The following DACH2 variants were observed in gnomAD, a reference collection of about 807,000 sequenced individuals.
DACH2 encodes the protein dachshund homolog 2.
A neutral mutation model predicts 35.8 loss-of-function variants in DACH2; 17 were observed. That is an observed-to-expected ratio of 0.48 (90% CI 0.33 to 0.71). DACH2 has a LOEUF of 0.71. Among genes scored for constraint, DACH2 ranks in the 30% least tolerant of loss-of-function variants. The probability of loss-of-function intolerance (pLI) is 0.02; values close to 1 mark genes in which losing one functional copy is unlikely to be tolerated. For missense variants in DACH2, 469 were observed against 472.7 expected, an observed-to-expected ratio of 0.99 and a Z score of 0.07; for synonymous variants, 195 against 177.3, an observed-to-expected ratio of 1.10 and a Z score of -0.79.
intron 1 of DACH2, among the ~76,000 whole-genome samples, chrX:86,210,697 G>A (rs944120063): frequency 8.9e-6 from 1 of 111,759 alleles, no homozygotes; most frequent in Non-Finnish European, 1.9e-5. Flanking sequence ...CACTGAAGAA[G>A]TCAAATTCTA....
intron 1 of DACH2, among the ~76,000 whole-genome samples, chrX:86,225,527 T>C (rs1217962167): frequency 2.7e-5 from 3 of 111,046 alleles, no homozygotes; most frequent in Non-Finnish European, 5.7e-5. Context: ...TATTTTGAAG[T>C]TGTTTAAAGT....
chrX:86,320,727 T>A (rs1192794642), intron 1 of DACH2, among the ~76,000 whole-genome samples: 6 of 112,286 alleles, frequency 5.3e-5, no homozygotes, highest in Non-Finnish European at 1.9e-5. Flanking sequence ...TAAGTAGCCA[T>A]TGGCTTTTGA....
At chrX:86,417,929 T>TG (rs776533017) in intron 2 of DACH2, among the ~76,000 whole-genome samples, 2 of 111,470 alleles carry the variant, frequency 1.8e-5, no homozygotes, top group African/African-American at 6.5e-5. Context: ...CTAGATACAA[T>TG]GGGGGTAAAG....
chrX:86,206,208 T>C (rs2032306978), intron 1 of DACH2, among the ~76,000 whole-genome samples: 1 of 111,145 alleles, frequency 9.0e-6, no homozygotes, highest in Admixed American at 9.5e-5. Context: ...GTATTACATA[T>C]GAATTTGCAC....
chrX:86,813,036 T>C, intron 8 of DACH2, 32 bp downstream of exon 8: 1 of 1,159,744 alleles, frequency 8.6e-7, no homozygotes, highest in Non-Finnish European at 1.2e-6. Context: ...AAAATAAATG[T>C]AATACAAGAC....
At chrX:86,496,818 C>T (rs182199805) in intron 2 of DACH2, among the ~76,000 whole-genome samples, 272 of 110,869 alleles carry the variant, frequency 2.5e-3, no homozygotes, top group African/African-American at 7.9e-3. Flanking sequence ...GTGTTTATTG[C>T]GGTTAGGTGA....
intron 3 of DACH2, among the ~76,000 whole-genome samples, chrX:86,648,363 A>G (rs1012173542): frequency 2.7e-5 from 3 of 110,975 alleles, no homozygotes; most frequent in Admixed American, 1.9e-4. Context: ...AGCTTTATGT[A>G]TTGCCCTTTT....
chrX:86,421,088 G>A (rs1210517878), intron 2 of DACH2, among the ~76,000 whole-genome samples: 3 of 111,516 alleles, frequency 2.7e-5, no homozygotes, highest in Admixed American at 1.9e-4. Context: ...ATGCACAAAA[G>A]CACACAATAC....
intron 1 of DACH2, among the ~76,000 whole-genome samples, chrX:86,270,791 C>T (rs2033801972): frequency 8.9e-6 from 1 of 111,794 alleles, no homozygotes; most frequent in African/African-American, 3.2e-5. Context: ...ATTGTGTCTC[C>T]ATCTGGTTTC....
At chrX:86,568,974 G>A (rs1228691161) in intron 3 of DACH2, among the ~76,000 whole-genome samples, 1 of 111,301 alleles carries the variant, frequency 9.0e-6, no homozygotes, top group Non-Finnish European at 1.9e-5. Context: ...CCTCTCTTCT[G>A]TACAGAAGCT....
Position 86,687,268 on chromosome X carries a change from G to T in DACH2, c.773-7753G>T, listed in dbSNP as rs193156346. Among the ~76,000 whole-genome samples the T allele has an allele frequency of 3.5e-3, 385 of 110,227 alleles. 1 individual carries two copies. The highest frequency in any genetic ancestry group is 0.012 in the African/African-American group (371 of 30,355). On this transcript the variant is annotated intron_variant, in intron 4 of 11. Transcript: ENST00000373125. The stretch of plus-strand genomic sequence containing the variant: ...TGGGTTTGCCTGTAAAGATAACGCA[G>T]CCAGCCAACAGACATGAAAAAAAAG...
intron 2 of DACH2, among the ~76,000 whole-genome samples, chrX:86,433,209 T>C (rs185777957): frequency 2.6e-3 from 287 of 111,756 alleles, no homozygotes; most frequent in African/African-American, 8.8e-3. Flanking sequence ...ATACAAAAAG[T>C]GTCTGTTAAG....
chrX:86,371,343 G>T (rs543043677), intron 1 of DACH2, among the ~76,000 whole-genome samples: 1 of 110,644 alleles, frequency 9.0e-6, no homozygotes, highest in Admixed American at 9.7e-5. Context: ...AAAGACTCAA[G>T]TGTGTGCATC....
At chrX:86,261,664 G>A (rs1404415710) in intron 1 of DACH2, among the ~76,000 whole-genome samples, 1 of 111,638 alleles carries the variant, frequency 9.0e-6, no homozygotes, top group Non-Finnish European at 1.9e-5. Flanking sequence ...GCTTAGTGGA[G>A]TACATTTCAT....
At chrX:86,700,979 A>G (rs2041135862) in intron 5 of DACH2, among the ~76,000 whole-genome samples, 4 of 111,668 alleles carry the variant, frequency 3.6e-5, no homozygotes, top group South Asian at 7.4e-4. Flanking sequence ...AGGAGGAGGG[A>G]CCTTTCTAAC....
At chrX:86,335,759 G>A (rs1223949045) in intron 1 of DACH2, among the ~76,000 whole-genome samples, 1 of 111,387 alleles carries the variant, frequency 9.0e-6, no homozygotes, top group Non-Finnish European at 1.9e-5. Context: ...TTGCCTGATT[G>A]CCCTGGCCAG....
chrX:86,575,137 A>G (rs1394889336), intron 3 of DACH2, among the ~76,000 whole-genome samples: 1 of 111,259 alleles, frequency 9.0e-6, no homozygotes, highest in Non-Finnish European at 1.9e-5. Flanking sequence ...CTCACAAAGA[A>G]CAGTGTTTCC....
intron 1 of DACH2, among the ~76,000 whole-genome samples, chrX:86,215,987 T>C (rs1167536785): frequency 1.8e-5 from 2 of 112,089 alleles, no homozygotes; most frequent in East Asian, 5.6e-4. Flanking sequence ...GAGTATTTCC[T>C]ATATTCCCAA....
intron 7 of DACH2, among the ~76,000 whole-genome samples, chrX:86,741,973 A>G (rs1226537489): frequency 9.0e-6 from 1 of 111,228 alleles, no homozygotes; most frequent in Non-Finnish European, 1.9e-5. Context: ...GGTGCCCATA[A>G]TATATAGAAA....
Sources: gnomAD v4.1 joint callset for allele counts (sites outside exome capture counted in the v4.1 genomes callset) on GRCh38, gnomAD v4.1.1 for gene constraint, MANE v1.5 for transcripts, NCBI Gene and HGNC (gene_info 2026-07-23, HGNC 2026-07-21) for gene names.